The following AGXT2 variants were observed in gnomAD, a reference collection of about 807,000 sequenced individuals.
AGXT2 encodes alanine--glyoxylate aminotransferase 2.
A neutral mutation model predicts 62.5 loss-of-function variants in AGXT2; 61 were observed. That is an observed-to-expected ratio of 0.98 (90% CI 0.79 to 1.21). AGXT2 has a LOEUF of 1.21. Ranked by LOEUF, AGXT2 falls within the 50% of genes most tolerant of loss-of-function variation. AGXT2 has a pLI of 0.00. For missense variants in AGXT2, 666 were observed against 641.5 expected, an observed-to-expected ratio of 1.04 and a Z score of -0.41; for synonymous variants, 243 against 218.7, an observed-to-expected ratio of 1.11 and a Z score of -0.98.
intron 3 of AGXT2, 86 bp downstream of exon 3, chr5:35,039,238 G>C: frequency 1.4e-6 from 2 of 1,448,338 alleles, no homozygotes; most frequent in Non-Finnish European, 1.9e-6. Context: ...ACCAAGATAA[G>C]CAAATCAAGA....
At chr5:35,021,954 C>T (rs1207379606) in intron 9 of AGXT2, among the ~76,000 whole-genome samples, 1 of 152,166 alleles carries the variant, frequency 6.6e-6, no homozygotes, top group South Asian at 2.1e-4. Context: ...ATTTATGCAG[C>T]CAACAAACAC....
At chr5:35,004,824 A>G (rs1180168396) in intron 12 of AGXT2, among the ~76,000 whole-genome samples, 1 of 152,096 alleles carries the variant, frequency 6.6e-6, no homozygotes, top group Non-Finnish European at 1.5e-5. Flanking sequence ...GGGCTTTGCC[A>G]TCCACTTCCT....
chr5:35,045,160 CAGTT>C (rs755738311), intron 1 of AGXT2, among the ~76,000 whole-genome samples: 27 of 152,320 alleles, frequency 1.8e-4, no homozygotes, highest in Non-Finnish European at 2.6e-4. Flanking sequence ...TTTGTATACA[CAGTT>C]AGCCCAAAGT....
At chr5:35,039,570 G>C (rs1188219383) in intron 2 of AGXT2, 62 bp from the exon 3 acceptor site, 4 of 1,554,334 alleles carry the variant, frequency 2.6e-6, no homozygotes, top group East Asian at 2.2e-5. Context: ...GTCAATCTAT[G>C]AGTAACAGAG....
At chr5:35,005,832 C>A (rs1019823959) in intron 12 of AGXT2, among the ~76,000 whole-genome samples, 3 of 151,772 alleles carry the variant, frequency 2.0e-5, no homozygotes, top group African/African-American at 7.3e-5. Context: ...GTGTTTATCT[C>A]TTTTGGTGAA....
At chr5:35,042,951 C>T (rs1352214358) in intron 1 of AGXT2, among the ~76,000 whole-genome samples, 1 of 152,182 alleles carries the variant, frequency 6.6e-6, no homozygotes, top group Non-Finnish European at 1.5e-5. Context: ...CACCAGTTTT[C>T]ACTTCAATTC....
chr5:35,007,151 C>T (rs1398131989), intron 12 of AGXT2, among the ~76,000 whole-genome samples: 4 of 152,088 alleles, frequency 2.6e-5, no homozygotes, highest in African/African-American at 9.7e-5. Context: ...AAAGAGGCTC[C>T]AGAAAGCTCT....
In AGXT2 at chr5:35,033,425, C is replaced by G. The variant is rs1353002528; in HGVS notation, c.675+35G>C. 3.3e-6 allele frequency: 5 copies of G among 1,516,512 alleles called. 2 individuals carry two copies. The South Asian group carries it at 5.6e-5, about 17-fold the overall frequency. 93.9% of individuals were successfully genotyped at this position (1,516,512 alleles called of 1,614,324 possible). A position where few individuals can be genotyped will look rare whatever the true frequency, so the allele number is the denominator to read the frequency against. On this transcript the variant is annotated intron_variant, in intron 6 of 13. Transcript: ENST00000231420. ...TCAACTACTTCACATACCCAGCAGTCTTTAAAGAAACAAGAGAAAAATCTC... is the reference window on the plus strand; with the variant it reads ...TCAACTACTTCACATACCCAGCAGTGTTTAAAGAAACAAGAGAAAAATCTC...
chr5:35,020,584 A>G (rs1490142135), intron 9 of AGXT2, among the ~76,000 whole-genome samples: 1 of 152,236 alleles, frequency 6.6e-6, no homozygotes, highest in Non-Finnish European at 1.5e-5. Flanking sequence ...CAAAATAATA[A>G]GAGGTATCTA....
chr5:35,041,645 G>A (rs1343087759), intron 1 of AGXT2, among the ~76,000 whole-genome samples: 2 of 152,170 alleles, frequency 1.3e-5, no homozygotes, highest in Non-Finnish European at 2.9e-5. Flanking sequence ...TCAACATTAA[G>A]ATAATTTTAT....
At chr5:35,018,133 A>G (rs1766923267) in intron 9 of AGXT2, among the ~76,000 whole-genome samples, 1 of 152,230 alleles carries the variant, frequency 6.6e-6, no homozygotes, top group African/African-American at 2.4e-5. Flanking sequence ...AATGGAACCA[A>G]GTTGGAGAAC....
At chr5:35,019,911 A>T (rs1042516256) in intron 9 of AGXT2, among the ~76,000 whole-genome samples, 21 of 152,216 alleles carry the variant, frequency 1.4e-4, no homozygotes, top group Non-Finnish European at 2.9e-5. Context: ...ATCCCACAGA[A>T]ATACAAACTA....
chr5:35,040,084 G>A (rs181856142), intron 2 of AGXT2, among the ~76,000 whole-genome samples: 311 of 150,348 alleles, frequency 2.1e-3, no homozygotes, highest in Middle Eastern at 0.014. Context: ...AGAGAGAGAG[G>A]GAGAAAGAAA....
chr5:35,021,401 C>T (rs1767076529), intron 9 of AGXT2, among the ~76,000 whole-genome samples: 1 of 150,868 alleles, frequency 6.6e-6, no homozygotes, highest in South Asian at 2.1e-4. Flanking sequence ...CAGAACAGAG[C>T]CCTCAGAAAT....
intron 9 of AGXT2, among the ~76,000 whole-genome samples, chr5:35,021,277 C>T (rs532912522): frequency 7.9e-5 from 12 of 152,170 alleles, no homozygotes; most frequent in African/African-American, 2.9e-4. Context: ...GAATCCTAAG[C>T]CAAAAGAACA....
rs1766109090 is a variant in AGXT2, at chr5:34,998,417, A to G, written c.*302T>C. Reference sequence around the variant, plus strand: ...TTCAAGATTCACTGGACAAAAATACATCACATATTCATGCATAAACCAATC... The same window carrying G: ...TTCAAGATTCACTGGACAAAAATACGTCACATATTCATGCATAAACCAATC... On this transcript the variant is annotated 3_prime_UTR_variant, in exon 14 of 14. Coordinates refer to ENST00000231420, the MANE Select transcript of AGXT2 (RefSeq NM_031900.4). The G allele has an allele frequency of 5.1e-6, 2 of 395,276 alleles. No homozygotes were observed. Among genetic ancestry groups the G allele is most frequent in the Non-Finnish European group, 4.6e-6 (1 of 217,834 alleles). The allele number at this position is 395,276 out of a possible 1,614,324, so 24.5% of individuals were successfully genotyped here.
intron 13 of AGXT2, among the ~76,000 whole-genome samples, chr5:35,002,778 G>GA (rs199695004): frequency 3.7e-5 from 4 of 108,446 alleles, no homozygotes; most frequent in South Asian, 3.2e-4. Flanking sequence ...TAGCAGGCTG[G>GA]GGGGGGGGAC....
At chr5:35,017,670 C>T (rs918009582) in intron 9 of AGXT2, among the ~76,000 whole-genome samples, 1 of 152,208 alleles carries the variant, frequency 6.6e-6, no homozygotes, top group African/African-American at 2.4e-5. Context: ...GAGCACCTCT[C>T]CTCCTCCAAA....
rs1202242533 is a variant in AGXT2, at chr5:35,033,498, A to T, written c.637T>A (p.Tyr213Asn). Residue 213 changes from tyrosine to asparagine, a missense_variant, in exon 6 of 14, where the codon TAC becomes AAC. Physicochemically the swap from Tyr to Asn is moderately radical, Grantham distance 143. Transcript: ENST00000231420. Reference sequence around the variant, plus strand: ...GTCCCACCAGGGAGTTCCATCTTGTAGGTCCCTACGTTTGTCAAGCCAAGT... The same window carrying T: ...GTCCCACCAGGGAGTTCCATCTTGTTGGTCCCTACGTTTGTCAAGCCAAGT... ...YTLGLTNVGTYKMELPGGTGC... is the reference protein window; with the variant it reads ...YTLGLTNVGTNKMELPGGTGC... 6.2e-7 allele frequency: 1 copy of T among 1,613,744 alleles called. No homozygotes were observed. Among genetic ancestry groups the T allele is most frequent in the Admixed American group, 1.7e-5 (1 of 59,996 alleles).
Sources: allele counts gnomAD v4.1 joint callset (sites outside exome capture counted in the v4.1 genomes callset), GRCh38; gene constraint gnomAD v4.1.1; transcripts MANE v1.5; gene names NCBI Gene and HGNC (gene_info 2026-07-23, HGNC 2026-07-21).